The following NXPH1 variants were observed in gnomAD, a reference collection of about 807,000 sequenced individuals.
NXPH1 encodes neurexophilin-1.
In NXPH1, 5 loss-of-function variants were observed where a neutral mutation model predicts 23.7. The observed-to-expected ratio is 0.21, with a 90% CI of 0.11 to 0.44. The LOEUF is 0.44. Among genes scored for constraint, NXPH1 ranks in the 20% least tolerant of loss-of-function variants. The probability of loss-of-function intolerance (pLI) is 0.99; values close to 1 mark genes in which losing one functional copy is unlikely to be tolerated. For synonymous variants in NXPH1, 144 were observed against 122.2 expected (o/e 1.18, Z -1.18); for missense variants, 324 against 321.6 (o/e 1.01, Z -0.06).
chr7:8,646,595 G>C (rs967011239), intron 2 of NXPH1, among the ~76,000 whole-genome samples: 1 of 151,940 alleles, frequency 6.6e-6, no homozygotes, highest in African/African-American at 2.4e-5. Context: ...ATTTTATCAA[G>C]TTCAAGCATT....
chr7:8,462,189 C>G (rs541669541), intron 2 of NXPH1, among the ~76,000 whole-genome samples: 1 of 152,254 alleles, frequency 6.6e-6, no homozygotes, highest in African/African-American at 2.4e-5. Flanking sequence ...GCTGGGACTA[C>G]AGGCATGCGC....
chr7:8,640,183 C>G (rs567598297), intron 2 of NXPH1, among the ~76,000 whole-genome samples: 1 of 152,096 alleles, frequency 6.6e-6, no homozygotes, highest in South Asian at 2.1e-4. Flanking sequence ...TTCTGTAAGG[C>G]CTTTGGGCTT....
At chr7:8,597,125 A>G (rs1819243981) in intron 2 of NXPH1, among the ~76,000 whole-genome samples, 1 of 152,000 alleles carries the variant, frequency 6.6e-6, no homozygotes, top group Admixed American at 6.6e-5. Context: ...CTACTACAAC[A>G]TGAATTCATA....
chr7:8,505,777 T>C (rs948991982), intron 2 of NXPH1, among the ~76,000 whole-genome samples: 1 of 152,130 alleles, frequency 6.6e-6, no homozygotes, highest in African/African-American at 2.4e-5. Context: ...TGTTCTCAAT[T>C]ACTAGAAGTG....
intron 2 of NXPH1, among the ~76,000 whole-genome samples, chr7:8,678,682 AT>A (rs1422333655): frequency 6.6e-6 from 1 of 151,970 alleles, no homozygotes; most frequent in Non-Finnish European, 1.5e-5. Context: ...CTGTTAAGGA[AT>A]GGGTCACTTC....
At chr7:8,441,438 G>C (rs577650230) in intron 2 of NXPH1, among the ~76,000 whole-genome samples, 6 of 152,070 alleles carry the variant, frequency 3.9e-5, no homozygotes, top group Non-Finnish European at 8.8e-5. Flanking sequence ...GCATGTTGAC[G>C]ACTCTGCTTG....
intron 2 of NXPH1, among the ~76,000 whole-genome samples, chr7:8,509,030 T>G (rs1817572495): frequency 6.6e-6 from 1 of 152,084 alleles, no homozygotes. Context: ...TTCTTGTTTT[T>G]AGATGACCAA....
chr7:8,625,210 A>G (rs183431642), intron 2 of NXPH1, among the ~76,000 whole-genome samples: 29 of 152,296 alleles, frequency 1.9e-4, no homozygotes, highest in African/African-American at 7.0e-4. Context: ...TCCATATAGC[A>G]TTTTGACATA....
intron 2 of NXPH1, among the ~76,000 whole-genome samples, chr7:8,724,043 C>A (rs935637725): frequency 9.9e-5 from 15 of 152,112 alleles, no homozygotes; most frequent in Middle Eastern, 3.2e-3. Context: ...TTTGAACATC[C>A]TTTCTCTCAG....
intron 2 of NXPH1, among the ~76,000 whole-genome samples, chr7:8,489,952 T>C (rs1817221828): frequency 2.0e-5 from 3 of 152,074 alleles, no homozygotes; most frequent in African/African-American, 7.2e-5. Context: ...AAACAAATCT[T>C]ACTCTATTGA....
rs953718672 is a variant in NXPH1 at position 8,501,803 on chromosome 7, C to T, written c.54+66036C>T. On this transcript the variant is annotated intron_variant, in intron 2 of 2. Transcript: ENST00000405863. ...CTGTCATAGCTCCCCAATGCAGCAA[C>T]GAGAGCTATAGCAAGAACAGACTAA... Among the ~76,000 whole-genome samples the T allele has an allele frequency of 5.3e-5, 8 of 151,986 alleles. No homozygotes were observed. The South Asian group carries it at 6.2e-4, about 12-fold the overall frequency.
intron 2 of NXPH1, among the ~76,000 whole-genome samples, chr7:8,439,909 A>G (rs1816265609): frequency 6.6e-6 from 1 of 152,222 alleles, no homozygotes; most frequent in Non-Finnish European, 1.5e-5. Flanking sequence ...TTTAAAAATT[A>G]AGCCAGCTGC....
chr7:8,519,668 C>A (rs186696000), intron 2 of NXPH1, among the ~76,000 whole-genome samples: 1 of 152,298 alleles, frequency 6.6e-6, no homozygotes, highest in Non-Finnish European at 1.5e-5. Flanking sequence ...CTCTCTCCCT[C>A]ACCGCTCCTT....
chr7:8,573,100 T>TA (rs1296655084), intron 2 of NXPH1, among the ~76,000 whole-genome samples: 1 of 151,900 alleles, frequency 6.6e-6, no homozygotes, highest in African/African-American at 2.4e-5. Context: ...TTTTTTTTTT[T>TA]ACCCAGTTAA....
intron 2 of NXPH1, among the ~76,000 whole-genome samples, chr7:8,724,067 A>G (rs1232878070): frequency 6.6e-6 from 1 of 152,202 alleles, no homozygotes; most frequent in Non-Finnish European, 1.5e-5. Context: ...TAGGGCCCAC[A>G]ATAACTTCTT....
intron 2 of NXPH1, among the ~76,000 whole-genome samples, chr7:8,723,004 C>G (rs371934813): frequency 6.6e-6 from 1 of 152,114 alleles, no homozygotes; most frequent in African/African-American, 2.4e-5. Flanking sequence ...TAGAGTCAAG[C>G]CAAAAATGCC....
At chr7:8,542,756 C>G (rs923220710) in intron 2 of NXPH1, among the ~76,000 whole-genome samples, 2 of 151,468 alleles carry the variant, frequency 1.3e-5, no homozygotes, top group African/African-American at 4.8e-5. Context: ...TCAACTCTCA[C>G]CTCAGGAGGA....
At chr7:8,602,677 T>A (rs1048798526) in intron 2 of NXPH1, among the ~76,000 whole-genome samples, 1 of 152,224 alleles carries the variant, frequency 6.6e-6, no homozygotes, top group Non-Finnish European at 1.5e-5. Context: ...AGGAGAGGAT[T>A]GTCATTCTCA....
chr7:8,682,929 T>C (rs766699555), intron 2 of NXPH1, among the ~76,000 whole-genome samples: 4 of 152,238 alleles, frequency 2.6e-5, no homozygotes, highest in Non-Finnish European at 2.9e-5. Flanking sequence ...GAGCCCTTGA[T>C]TTCAATTCAA....
Sources: allele counts gnomAD v4.1 joint callset (sites outside exome capture counted in the v4.1 genomes callset), GRCh38; gene constraint gnomAD v4.1.1; transcripts MANE v1.5; gene names NCBI Gene and HGNC (gene_info 2026-07-23, HGNC 2026-07-21).